Variants in GPHN observed in about 807,000 individuals in gnomAD.
The protein encoded by GPHN is gephyrin.
Under a neutral mutation model 95.5 loss-of-function variants are expected in GPHN, and 17 were observed. The observed-to-expected ratio is 0.18, with a 90% CI of 0.12 to 0.27. The LOEUF (loss-of-function observed/expected upper bound fraction) is 0.27. GPHN is among the 10% of genes least tolerant of loss of function. The pLI is 1.00. For missense variants in GPHN, 660 were observed against 978.1 expected, an observed-to-expected ratio of 0.67 and a Z score of 4.34; for synonymous variants, 320 against 322.5, an observed-to-expected ratio of 0.99 and a Z score of 0.08.
At chr14:66,608,380 T>C (rs974541589) in intron 1 of GPHN, among the ~76,000 whole-genome samples, 8 of 152,152 alleles carry the variant, frequency 5.3e-5, no homozygotes, top group Admixed American at 5.2e-4. Context: ...TTTTTGAATT[T>C]ATTGAGACTT....
the GPHN span, chr14:67,578,302 C>A: frequency 1.9e-6 from 2 of 1,026,300 alleles, no homozygotes; most frequent in Non-Finnish European, 2.9e-6. The surrounding 1 kb of genome is among the most constrained non-coding windows in gnomAD (Gnocchi z 5.0). Flanking sequence ...GTGAGCCCAG[C>A]CAGCGGGCAG....
chr14:67,253,973 T>C, the GPHN span, among the ~76,000 whole-genome samples: 1 of 151,450 alleles, frequency 6.6e-6, no homozygotes, highest in African/African-American at 2.4e-5. Flanking sequence ...GTTTTTTTTT[T>C]TCCATTTTGA....
At chr14:66,751,762 A>G (rs556403858) in intron 2 of GPHN, among the ~76,000 whole-genome samples, 38 of 152,202 alleles carry the variant, frequency 2.5e-4, no homozygotes, top group Non-Finnish European at 4.7e-4. Flanking sequence ...GTCAATGAGC[A>G]TTGGCTTCAA....
chr14:66,652,420 T>TAA (rs1188185458), intron 1 of GPHN, among the ~76,000 whole-genome samples: 42 of 151,950 alleles, frequency 2.8e-4, no homozygotes, highest in Admixed American at 2.8e-3. Flanking sequence ...CATATATATA[T>TAA]AATATCATTC....
intron 3 of GPHN, among the ~76,000 whole-genome samples, chr14:66,800,387 A>G (rs974729606): frequency 6.6e-6 from 1 of 152,068 alleles, no homozygotes; most frequent in African/African-American, 2.4e-5. Flanking sequence ...TCTGGTGTTG[A>G]TAAAAATCCC....
intron 3 of GPHN, among the ~76,000 whole-genome samples, chr14:66,778,116 T>C (rs2059453215): frequency 6.6e-6 from 1 of 152,150 alleles, no homozygotes; most frequent in African/African-American, 2.4e-5. Flanking sequence ...GATAAGCAAC[T>C]TCAGCAAAGT....
At chr14:67,369,577 T>C in the GPHN span, among the ~76,000 whole-genome samples, 1 of 152,160 alleles carries the variant, frequency 6.6e-6, no homozygotes, top group African/African-American at 2.4e-5. Flanking sequence ...AGCTATAATA[T>C]TAATACAACT....
At chr14:66,634,812 C>G (rs1357135563) in intron 1 of GPHN, among the ~76,000 whole-genome samples, 2 of 152,166 alleles carry the variant, frequency 1.3e-5, no homozygotes. Flanking sequence ...TTCTTCACTC[C>G]TGCTGCTGAT....
chr14:67,225,926 A>AGTGTGTGTGTGTGTGTGTGTGTGT, the GPHN span, among the ~76,000 whole-genome samples: 21 of 136,708 alleles, frequency 1.5e-4, no homozygotes, highest in South Asian at 1.2e-3. Flanking sequence ...TAATGCTGTG[A>AGTGTGTGTGTGTGTGTGTGTGTGT]GTGTGTGTGT....
intron 4 of GPHN, among the ~76,000 whole-genome samples, chr14:66,825,934 G>C (rs2061371578): frequency 6.6e-6 from 1 of 152,122 alleles, no homozygotes; most frequent in Non-Finnish European, 1.5e-5. Context: ...CTCCTGCAGA[G>C]GTGTGCTTGT....
At chr14:66,748,567 G>A (rs990997815) in intron 2 of GPHN, among the ~76,000 whole-genome samples, 3 of 151,848 alleles carry the variant, frequency 2.0e-5, no homozygotes, top group African/African-American at 7.3e-5. Flanking sequence ...TTCACTGTTG[G>A]TGTTGTATAT....
At chr14:67,403,563 G>A in the GPHN span, among the ~76,000 whole-genome samples, 2 of 152,212 alleles carry the variant, frequency 1.3e-5, no homozygotes, top group Non-Finnish European at 2.9e-5. Flanking sequence ...TCTGTTCAAA[G>A]TCACTAAAGT....
At chr14:67,387,394 A>G in the GPHN span, 1 of 1,611,226 alleles carries the variant, frequency 6.2e-7, no homozygotes, top group African/African-American at 1.3e-5. Flanking sequence ...GCCTGAATGT[A>G]ATAGTGTGTG....
At chr14:66,935,180 A>T (rs1443795144) in intron 8 of GPHN, among the ~76,000 whole-genome samples, 2 of 152,198 alleles carry the variant, frequency 1.3e-5, no homozygotes, top group Non-Finnish European at 2.9e-5. Flanking sequence ...AACTCAAAGT[A>T]ATAATATTAA....
intron 9 of GPHN, among the ~76,000 whole-genome samples, chr14:67,023,212 A>G (rs2073749600): frequency 6.6e-6 from 1 of 152,112 alleles, no homozygotes; most frequent in African/African-American, 2.4e-5. Flanking sequence ...TACATACTAA[A>G]AAATTACTAT....
chr14:67,548,051 T>G, the GPHN span, among the ~76,000 whole-genome samples: 1 of 152,176 alleles, frequency 6.6e-6, no homozygotes, highest in African/African-American at 2.4e-5. Flanking sequence ...GAGTGGCTGA[T>G]GACTTGAGAT....
chr14:67,352,893 A>G, the GPHN span: 1 of 1,474,818 alleles, frequency 6.8e-7, no homozygotes, highest in Non-Finnish European at 9.3e-7. Context: ...TTTCTAAAAT[A>G]AATACTATTC....
the GPHN span, chr14:67,473,144 T>C: frequency 2.1e-6 from 1 of 474,240 alleles, no homozygotes; most frequent in Non-Finnish European, 3.9e-6. The surrounding 1 kb of genome is among the most constrained non-coding windows in gnomAD (Gnocchi z 6.5). Flanking sequence ...CCATCGCTGC[T>C]CAGCCACAGG....
intron 3 of GPHN, among the ~76,000 whole-genome samples, chr14:66,789,939 A>T (rs1433996452): frequency 6.6e-6 from 1 of 152,208 alleles, no homozygotes. Flanking sequence ...GATATCCCAA[A>T]AAATAAAAAA....
Sources: gnomAD v4.1 joint callset for allele counts (sites outside exome capture counted in the v4.1 genomes callset) on GRCh38, gnomAD v4.1.1 for gene constraint, Gnocchi (gnomAD v3.1) non-coding constraint, MANE v1.5 for transcripts, NCBI Gene and HGNC (gene_info 2026-07-23, HGNC 2026-07-21) for gene names.